Variants in CTNNA3 observed in about 807,000 individuals in gnomAD.
The protein encoded by CTNNA3 is catenin alpha-3.
CTNNA3 carries 76 observed loss-of-function variants against 95.7 expected under a neutral mutation model. That is an observed-to-expected ratio of 0.79 (90% CI 0.66 to 0.96). CTNNA3 has a LOEUF of 0.96. Ranked by LOEUF, CTNNA3 falls within the 40% of genes least tolerant of loss-of-function variation. The pLI, the probability that CTNNA3 is intolerant of heterozygous loss-of-function variation, is 0.00. For synonymous variants in CTNNA3, 431 were observed against 374.4 expected (o/e 1.15, Z -1.74); for missense variants, 1,191 against 1,089.8 (o/e 1.09, Z -1.31).
chr10:67,459,182 T>C (rs1212681133), intron 5 of CTNNA3, among the ~76,000 whole-genome samples: 2 of 152,228 alleles, frequency 1.3e-5, no homozygotes, highest in East Asian at 3.8e-4. Flanking sequence ...CTTGCTCTAA[T>C]ACACTCAATA....
chr10:66,605,487 C>T (rs768191402), intron 10 of CTNNA3, among the ~76,000 whole-genome samples: 2 of 152,146 alleles, frequency 1.3e-5, no homozygotes, highest in South Asian at 2.1e-4. Context: ...ACAAGAAGAT[C>T]GCTCCAAGAC....
chr10:66,222,622 A>AAGAAAGAAAG (rs1554895442), intron 13 of CTNNA3, among the ~76,000 whole-genome samples: 21 of 65,224 alleles, frequency 3.2e-4, no homozygotes, highest in African/African-American at 7.5e-4. Flanking sequence ...GAAAGAAAGA[A>AAGAAAGAAAG]AAAGAAAGAA....
chr10:67,226,959 A>G (rs1864948948), intron 5 of CTNNA3, among the ~76,000 whole-genome samples: 1 of 152,228 alleles, frequency 6.6e-6, no homozygotes, highest in Admixed American at 6.5e-5. Context: ...AGAATGCAGA[A>G]GAACTCACCA....
intron 13 of CTNNA3, among the ~76,000 whole-genome samples, chr10:66,169,599 A>G (rs1318652026): frequency 6.6e-6 from 1 of 152,136 alleles, no homozygotes; most frequent in African/African-American, 2.4e-5. Context: ...GAACCTCCAC[A>G]CTGTTTTCCA....
intron 7 of CTNNA3, among the ~76,000 whole-genome samples, chr10:67,011,225 C>T (rs1362475029): frequency 1.3e-5 from 2 of 151,562 alleles, no homozygotes; most frequent in African/African-American, 4.9e-5. Flanking sequence ...ACTGTAGTCC[C>T]AGCTACTCGG....
At chr10:67,736,878 A>G (rs1841305784) in intron 1 of CTNNA3, among the ~76,000 whole-genome samples, 1 of 152,224 alleles carries the variant, frequency 6.6e-6, no homozygotes, top group African/African-American at 2.4e-5. Context: ...CACACAGGAC[A>G]TCCTACAGAA....
intron 11 of CTNNA3, among the ~76,000 whole-genome samples, chr10:66,484,646 T>C (rs970400547): frequency 6.6e-6 from 1 of 151,946 alleles, no homozygotes; most frequent in Non-Finnish European, 1.5e-5. Flanking sequence ...TGATAGTGAC[T>C]ACAACATGAT....
At chr10:66,325,859 G>A (rs1038723356) in intron 12 of CTNNA3, among the ~76,000 whole-genome samples, 2 of 134,380 alleles carry the variant, frequency 1.5e-5, no homozygotes, top group Non-Finnish European at 3.5e-5. Context: ...GCAAGACAAT[G>A]TCTGTTATTG....
At chr10:66,053,124 A>T (rs1245941079) in intron 15 of CTNNA3, among the ~76,000 whole-genome samples, 1 of 152,108 alleles carries the variant, frequency 6.6e-6, no homozygotes, top group South Asian at 2.1e-4. Context: ...TGTTTTTTTA[A>T]ACCAGGTACT....
intron 2 of CTNNA3, among the ~76,000 whole-genome samples, chr10:67,626,686 AG>A (rs1422047938): frequency 8.5e-5 from 13 of 152,222 alleles, no homozygotes; most frequent in African/African-American, 2.9e-4. Flanking sequence ...GGTTCCTCTC[AG>A]GTCTGAAATC....
At chr10:67,551,921 G>T (rs752529963) in intron 3 of CTNNA3, among the ~76,000 whole-genome samples, 5 of 152,160 alleles carry the variant, frequency 3.3e-5, no homozygotes, top group Non-Finnish European at 7.3e-5. Flanking sequence ...GAGGAAAGAA[G>T]AGGTCAAAAA....
intron 1 of CTNNA3, among the ~76,000 whole-genome samples, chr10:67,726,790 ATGATATT>A (rs1199555848): frequency 2.3e-5 from 2 of 86,974 alleles, no homozygotes; most frequent in Non-Finnish European, 3.8e-5. Context: ...ATAAATATAT[ATGATATT>A]ATATACATCA....
intron 5 of CTNNA3, among the ~76,000 whole-genome samples, chr10:67,346,304 T>C (rs1348386330): frequency 6.6e-6 from 1 of 152,202 alleles, no homozygotes; most frequent in Non-Finnish European, 1.5e-5. Context: ...TATTTCTGTG[T>C]ACTTACTATT....
intron 7 of CTNNA3, among the ~76,000 whole-genome samples, chr10:66,871,967 A>G (rs1482338235): frequency 6.6e-6 from 1 of 152,236 alleles, no homozygotes; most frequent in Admixed American, 6.5e-5. Flanking sequence ...AGTATTATCT[A>G]TATTAGCACT....
At chr10:67,358,773 C>T (rs187512891) in intron 5 of CTNNA3, among the ~76,000 whole-genome samples, 65 of 152,174 alleles carry the variant, frequency 4.3e-4, no homozygotes, top group African/African-American at 1.5e-3. Context: ...CAGGCTTCCC[C>T]CAAAAGAGAA....
In CTNNA3 at chr10:67,375,793, G is replaced by C. The variant is rs1306401638; in HGVS notation, c.579+146049C>G. Among the ~76,000 whole-genome samples the C allele has an allele frequency of 2.6e-5, 4 of 152,200 alleles. No individual in the cohort carries two copies. The East Asian group carries it at 7.7e-4, about 29-fold the overall frequency. On this transcript the variant is annotated intron_variant, in intron 5 of 17. Transcript: ENST00000433211. The stretch of plus-strand genomic sequence containing the variant: ...CTGGCTAACAAAACCTGAAATAAAT[G>C]GTAGTTTAATTTTCTGAAAACAAAT...
Position 67,719,263 on chromosome 10 carries a change from T to C in CTNNA3, c.-2+44171A>G, listed in dbSNP as rs562425558. Among the ~76,000 whole-genome samples the C allele has an allele frequency of 8.5e-4, 130 of 152,288 alleles. 1 individual carries two copies. Among genetic ancestry groups the C allele is most frequent in the African/African-American group, 2.8e-3 (115 of 41,586 alleles). On this transcript the variant is annotated intron_variant, in intron 1 of 17. Transcript: ENST00000684154. ...TAAAAAAAAACAGTTCCTGGATTCA[T>C]TGATTTTTGGAAGGGTTTTTTGTGT... is the stretch of plus-strand genomic sequence containing the variant.
At chr10:66,978,092 A>G (rs1850165623) in intron 7 of CTNNA3, among the ~76,000 whole-genome samples, 1 of 147,178 alleles carries the variant, frequency 6.8e-6, no homozygotes, top group Non-Finnish European at 1.5e-5. Context: ...ACACACACAC[A>G]TGCGATGACG....
intron 10 of CTNNA3, among the ~76,000 whole-genome samples, chr10:66,563,692 A>G (rs529948400): frequency 3.5e-4 from 54 of 152,196 alleles, no homozygotes; most frequent in Middle Eastern, 3.4e-3. Flanking sequence ...TTTGCCCACA[A>G]GGAAATTCCT....
Sources: allele counts gnomAD v4.1 joint callset (sites outside exome capture counted in the v4.1 genomes callset), GRCh38; gene constraint gnomAD v4.1.1; transcripts MANE v1.5; gene names NCBI Gene and HGNC (gene_info 2026-07-23, HGNC 2026-07-21).